Variants in NR3C2 observed in about 807,000 individuals in gnomAD.
The protein encoded by NR3C2 is mineralocorticoid receptor.
NR3C2 carries 15 observed loss-of-function variants against 86.4 expected under a neutral mutation model. The observed-to-expected ratio is 0.17, with a 90% CI of 0.12 to 0.27. The LOEUF (loss-of-function observed/expected upper bound fraction) is 0.27. NR3C2 is among the 10% of genes least tolerant of loss of function. The pLI is 1.00. For synonymous variants in NR3C2, 458 were observed against 450.5 expected (o/e 1.02, Z -0.21); for missense variants, 960 against 1,195.6 (o/e 0.80, Z 2.91).
Position 148,226,291 on chromosome 4 carries a change from C to T in NR3C2, c.1898-31429G>A, listed in dbSNP as rs186691029. On this transcript the variant is annotated intron_variant, in intron 3 of 8. Transcript: ENST00000358102. ...CTCTCCAGCCAATCCCCGCCCACCA[C>T]TAGGAAACTACTATTCTAATTTCAG... 3.2e-4 allele frequency among the ~76,000 whole-genome samples: 49 copies of T among 152,266 alleles called. 1 individual carries two copies. The highest frequency in any genetic ancestry group is 3.2e-3 in the Admixed American group (49 of 15,284).
At chr4:148,412,300 A>C (rs1389323778) in intron 2 of NR3C2, among the ~76,000 whole-genome samples, 1 of 152,220 alleles carries the variant, frequency 6.6e-6, no homozygotes, top group Non-Finnish European at 1.5e-5. Flanking sequence ...CTGTTAGGAA[A>C]GCAATGTATC....
chr4:148,372,930 T>C (rs979941256), intron 2 of NR3C2, among the ~76,000 whole-genome samples: 3 of 152,192 alleles, frequency 2.0e-5, no homozygotes, highest in African/African-American at 4.8e-5. Context: ...CTGCTTGAAA[T>C]TGAAAGATGT....
At chr4:148,104,351 T>G (rs200046532) in intron 8 of NR3C2, among the ~76,000 whole-genome samples, 10 of 90,916 alleles carry the variant, frequency 1.1e-4, no homozygotes, top group African/African-American at 4.5e-4. Flanking sequence ...GGTTTTTTTT[T>G]TTTTTTTTTT....
chr4:148,245,923 G>C (rs1231547745), intron 3 of NR3C2, among the ~76,000 whole-genome samples: 1 of 152,064 alleles, frequency 6.6e-6, no homozygotes, highest in Admixed American at 6.5e-5. Context: ...TAAGCAGTGG[G>C]AAGAATACTT....
At chr4:148,113,745 C>G (rs551766719) in intron 8 of NR3C2, among the ~76,000 whole-genome samples, 1 of 152,122 alleles carries the variant, frequency 6.6e-6, no homozygotes, top group East Asian at 1.9e-4. Context: ...AGAGGACATC[C>G]GAATCCCTGG....
chr4:148,420,642 C>A (rs938328838), intron 2 of NR3C2, among the ~76,000 whole-genome samples: 1 of 152,286 alleles, frequency 6.6e-6, no homozygotes, highest in East Asian at 1.9e-4. Context: ...TAGTTTGGAT[C>A]TCTGTCCCCA....
intron 2 of NR3C2, among the ~76,000 whole-genome samples, chr4:148,300,289 G>A (rs1742273986): frequency 6.6e-6 from 1 of 152,094 alleles, no homozygotes; most frequent in Non-Finnish European, 1.5e-5. Context: ...TTTGCCATTT[G>A]TTGATTCTCT....
At chr4:148,317,000 C>A (rs1361818908) in intron 2 of NR3C2, among the ~76,000 whole-genome samples, 1 of 152,000 alleles carries the variant, frequency 6.6e-6, no homozygotes, top group African/African-American at 2.4e-5. Flanking sequence ...GCTATGTTGC[C>A]CAGGCTGGTC....
At chr4:148,177,171 T>G (rs140418745) in intron 4 of NR3C2, among the ~76,000 whole-genome samples, 95 of 152,340 alleles carry the variant, frequency 6.2e-4, no homozygotes, top group African/African-American at 2.1e-3. Flanking sequence ...TACTCCATCT[T>G]TATTGCAATT....
intron 3 of NR3C2, among the ~76,000 whole-genome samples, chr4:148,249,425 C>T (rs911474899): frequency 6.6e-6 from 1 of 152,140 alleles, no homozygotes; most frequent in African/African-American, 2.4e-5. Flanking sequence ...TCAAAAATCT[C>T]ATACCATCTA....
intron 2 of NR3C2, among the ~76,000 whole-genome samples, chr4:148,427,467 T>C (rs1384832866): frequency 2.0e-5 from 3 of 151,934 alleles, no homozygotes; most frequent in Non-Finnish European, 2.9e-5. Context: ...TAGTTGGGTC[T>C]ATCAAGCCCA....
intron 2 of NR3C2, among the ~76,000 whole-genome samples, chr4:148,300,885 C>A (rs1742308962): frequency 6.6e-6 from 1 of 152,148 alleles, no homozygotes; most frequent in Non-Finnish European, 1.5e-5. Context: ...CCTTGTCACT[C>A]TTAATGCACG....
chr4:148,133,580 T>G (rs1025148120), intron 6 of NR3C2, among the ~76,000 whole-genome samples: 3 of 152,258 alleles, frequency 2.0e-5, no homozygotes, highest in Non-Finnish European at 2.9e-5. Flanking sequence ...TACTTTTTCC[T>G]ACTACAATAA....
chr4:148,338,191 G>C (rs1329736431), intron 2 of NR3C2, among the ~76,000 whole-genome samples: 3 of 152,062 alleles, frequency 2.0e-5, no homozygotes, highest in Non-Finnish European at 4.4e-5. Flanking sequence ...TTCATTACAA[G>C]GAACAGAAAA....
intron 2 of NR3C2, among the ~76,000 whole-genome samples, chr4:148,318,909 T>C (rs535512759): frequency 6.6e-4 from 100 of 150,994 alleles, no homozygotes; most frequent in Non-Finnish European, 1.3e-3. Context: ...TTTTGGCTTT[T>C]GTTGCCATTG....
At chr4:148,175,659 CAT>C (rs1462843993) in intron 4 of NR3C2, among the ~76,000 whole-genome samples, 3 of 152,142 alleles carry the variant, frequency 2.0e-5, no homozygotes, top group Admixed American at 1.3e-4. Flanking sequence ...ATGTTTCCAA[CAT>C]GTCTTTCATT....
chr4:148,278,578 C>T (rs189696377), intron 2 of NR3C2, among the ~76,000 whole-genome samples: 168 of 152,004 alleles, frequency 1.1e-3, no homozygotes, highest in African/African-American at 3.7e-3. Context: ...CGTGCGCGCG[C>T]ACACACACAC....
At chr4:148,378,391 A>T (rs1746786689) in intron 2 of NR3C2, among the ~76,000 whole-genome samples, 1 of 152,074 alleles carries the variant, frequency 6.6e-6, no homozygotes, top group South Asian at 2.1e-4. Context: ...AAAAAAAAAA[A>T]AATATACACA....
intron 4 of NR3C2, among the ~76,000 whole-genome samples, chr4:148,186,592 T>C (rs1735904940): frequency 6.6e-6 from 1 of 152,166 alleles, no homozygotes; most frequent in Non-Finnish European, 1.5e-5. Context: ...TCATATAAAA[T>C]GGCACAGTAT....
Sources: allele counts gnomAD v4.1 joint callset (sites outside exome capture counted in the v4.1 genomes callset), GRCh38; gene constraint gnomAD v4.1.1; transcripts MANE v1.5; gene names NCBI Gene and HGNC (gene_info 2026-07-23, HGNC 2026-07-21).